Variants in MTHFS observed in about 807,000 individuals in gnomAD.
The protein encoded by MTHFS is 5-formyltetrahydrofolate cyclo-ligase.
In MTHFS, 7 loss-of-function variants were observed where a neutral mutation model predicts 12.7. That is an observed-to-expected ratio of 0.55 (90% CI 0.31 to 1.03). The LOEUF (loss-of-function observed/expected upper bound fraction) is 1.03. Ranked by LOEUF, MTHFS falls within the 50% of genes least tolerant of loss-of-function variation. MTHFS has a pLI of 0.05. For synonymous variants in MTHFS, 100 were observed against 97.1 expected, an observed-to-expected ratio of 1.03 and a Z score of -0.18; for missense variants, 252 against 258.1, an observed-to-expected ratio of 0.98 and a Z score of 0.16.
chr15:79,880,458 T>C (rs1381515974), intron 2 of MTHFS, among the ~76,000 whole-genome samples: 8 of 152,150 alleles, frequency 5.3e-5, no homozygotes, highest in Middle Eastern at 6.8e-3. Context: ...TAAACATTGA[T>C]GGATCATGTG....
At chr15:79,895,133 T>C (rs971335341) in intron 1 of MTHFS, among the ~76,000 whole-genome samples, 1 of 152,240 alleles carries the variant, frequency 6.6e-6, no homozygotes, top group African/African-American at 2.4e-5. Flanking sequence ...TGAGAGATTA[T>C]GAGACCTGTC....
intron 2 of MTHFS, among the ~76,000 whole-genome samples, chr15:79,888,700 G>A (rs2034421499): frequency 1.3e-5 from 2 of 152,218 alleles, no homozygotes; most frequent in Non-Finnish European, 2.9e-5. Context: ...GGCCAGCTGG[G>A]TAGCTGGTGG....
At chr15:79,845,464 T>C in intron 2 of MTHFS, 22 bp from the exon 3 acceptor site, 1 of 1,607,362 alleles carries the variant, frequency 6.2e-7, no homozygotes, top group Non-Finnish European at 8.5e-7. Context: ...AGGAACAAAT[T>C]TAAGAGGATT....
chr15:79,891,793 C>G (rs981214134), intron 1 of MTHFS, among the ~76,000 whole-genome samples: 1 of 151,830 alleles, frequency 6.6e-6, no homozygotes, highest in African/African-American at 2.4e-5. Flanking sequence ...CATGGTAAAA[C>G]CCCATCTCTA....
intron 2 of MTHFS, among the ~76,000 whole-genome samples, chr15:79,874,617 T>C (rs1307699935): frequency 6.6e-6 from 1 of 152,054 alleles, no homozygotes; most frequent in Non-Finnish European, 1.5e-5. Context: ...ATCACAGCTG[T>C]CTGGGGCAGG....
chr15:79,852,508 T>C (rs923889747), intron 2 of MTHFS, among the ~76,000 whole-genome samples: 2 of 152,232 alleles, frequency 1.3e-5, no homozygotes, highest in Admixed American at 6.5e-5. Flanking sequence ...CTGCTATGAA[T>C]GGTCACAACC....
chr15:79,893,697 C>CA lies in MTHFS; in HGVS notation c.117+3174dup, dbSNP rs564888275. 5.5e-3 allele frequency among the ~76,000 whole-genome samples: 308 copies of CA among 56,208 alleles called. 1 individual carries two copies. Among genetic ancestry groups the CA allele is most frequent in the Non-Finnish European group, 6.3e-3 (176 of 27,726 alleles). The allele number at this position is 56,208 out of a possible 152,430, so 36.9% of individuals were successfully genotyped here. A position where few individuals can be genotyped will look rare whatever the true frequency, so the allele number is the denominator to read the frequency against. On this transcript the variant is annotated intron_variant, in intron 1 of 2. Coordinates refer to ENST00000258874, the MANE Select transcript of MTHFS (RefSeq NM_006441.4). ...TGGGCAACAGAGCGAGACTCCCTCT[C>CA]AAAAAAAAAAAAAAAAGGAAAAAGA...
chr15:79,888,469 G>C (rs1489188151), intron 2 of MTHFS, among the ~76,000 whole-genome samples: 1 of 152,224 alleles, frequency 6.6e-6, no homozygotes, highest in Non-Finnish European at 1.5e-5. Flanking sequence ...AGAGGAAGGA[G>C]AGGATGCAAG....
At chr15:79,889,472 A>AAAAAAAAAAAAAC in intron 1 of MTHFS, 118 bp from the exon 2 acceptor site, 1 of 1,242,414 alleles carries the variant, frequency 8.0e-7, no homozygotes. Flanking sequence ...AAAGAAAAAA[A>AAAAAAAAAAAAAC]AAGGGGGGGG....
upstream of MTHFS, chr15:79,897,111 G>GC (rs5813998): frequency 0.52 from 436,186 of 841,940 alleles, 119,092 homozygotes; most frequent in Non-Finnish European, 0.55. Context: ...TCGGGGAAGC[G>GC]CCCCCACCCC....
At chr15:79,874,656 C>T (rs185600509) in intron 2 of MTHFS, among the ~76,000 whole-genome samples, 30 of 149,328 alleles carry the variant, frequency 2.0e-4, no homozygotes, top group African/African-American at 7.3e-4. Flanking sequence ...AAGAGGCTGA[C>T]CAAAAAACTT....
chr15:79,864,747 G>A (rs629652), intron 2 of MTHFS, among the ~76,000 whole-genome samples: 1 of 151,904 alleles, frequency 6.6e-6, no homozygotes, highest in African/African-American at 2.4e-5. Flanking sequence ...AGGACTCTCA[G>A]AATATTTGTT....
At chr15:79,897,024 G>A (rs964083577), upstream of MTHFS, 2 of 1,491,072 alleles carry the variant, frequency 1.3e-6, no homozygotes, top group Non-Finnish European at 1.8e-6. Flanking sequence ...CGCCCTCGGC[G>A]CCCTGGGCGC....
At chr15:79,881,578 A>G (rs80225511) in intron 2 of MTHFS, among the ~76,000 whole-genome samples, 4 of 111,032 alleles carry the variant, frequency 3.6e-5, no homozygotes, top group Non-Finnish European at 6.4e-5. Context: ...AAAATGACTG[A>G]AAAAAAAAAA....
intron 2 of MTHFS, among the ~76,000 whole-genome samples, chr15:79,879,896 G>A (rs2034267579): frequency 6.6e-6 from 1 of 152,030 alleles, no homozygotes. Flanking sequence ...AAGTGATTCT[G>A]GTTCCCTGTG....
chr15:79,879,600 T>C (rs2034262667), intron 2 of MTHFS, among the ~76,000 whole-genome samples: 1 of 152,210 alleles, frequency 6.6e-6, no homozygotes, highest in Non-Finnish European at 1.5e-5. Context: ...TATGTTTGTT[T>C]TTCTGGTTTG....
At chr15:79,846,170 G>C (rs894935144) in intron 2 of MTHFS, among the ~76,000 whole-genome samples, 1 of 152,220 alleles carries the variant, frequency 6.6e-6, no homozygotes, top group South Asian at 2.1e-4. Flanking sequence ...CCCAACTGCA[G>C]TAAGGGTGTG....
intron 2 of MTHFS, among the ~76,000 whole-genome samples, chr15:79,861,168 C>T (rs1400330024): frequency 6.6e-6 from 1 of 152,032 alleles, no homozygotes; most frequent in Non-Finnish European, 1.5e-5. Context: ...ATATTATTAC[C>T]CTCATTTTCA....
At chr15:79,857,859 T>G (rs763135320) in intron 2 of MTHFS, among the ~76,000 whole-genome samples, 34 of 151,852 alleles carry the variant, frequency 2.2e-4, no homozygotes, top group Non-Finnish European at 4.0e-4. Context: ...CTACTAAAAA[T>G]ACAAAAATTA....
Sources: allele counts gnomAD v4.1 joint callset (sites outside exome capture counted in the v4.1 genomes callset), GRCh38; gene constraint gnomAD v4.1.1; transcripts MANE v1.5; gene names NCBI Gene and HGNC (gene_info 2026-07-23, HGNC 2026-07-21).